The following CEMIP variants were observed in gnomAD, a reference collection of about 807,000 sequenced individuals.
CEMIP encodes the protein cell migration inducing hyaluronidase 1.
In CEMIP, 105 loss-of-function variants were observed where a neutral mutation model predicts 156.9. That is an observed-to-expected ratio of 0.67 (90% CI 0.57 to 0.79). The LOEUF is 0.79. Ranked by LOEUF, CEMIP falls within the 30% of genes least tolerant of loss-of-function variation. The probability of loss-of-function intolerance (pLI) is 0.00; values close to 1 mark genes in which losing one functional copy is unlikely to be tolerated. For synonymous variants in CEMIP, 676 were observed against 668.4 expected (o/e 1.01, Z -0.17); for missense variants, 1,457 against 1,769.4 (o/e 0.82, Z 3.17).
In CEMIP at chr15:80,879,748, A is replaced by G; in HGVS notation, c.274A>G (p.Ile92Val). ...GGTCATTAAAGACCACGACGAGCCGATTGTTTTGCGAACCCGGCACATCCT... is the reference window on the plus strand; with the variant it reads ...GGTCATTAAAGACCACGACGAGCCGGTTGTTTTGCGAACCCGGCACATCCT... ...KLVIKDHDEPIVLRTRHILID... is the reference protein window; with the variant it reads ...KLVIKDHDEPVVLRTRHILID... Residue 92 changes from isoleucine to valine, a missense_variant, in exon 5 of 30, where the codon ATT (isoleucine) becomes GTT (valine). Coordinates refer to ENST00000394685, the MANE Select transcript of CEMIP (RefSeq NM_001293298.2). The G allele has an allele frequency of 1.9e-6, 3 of 1,614,182 alleles. No homozygotes were observed. The highest frequency in any genetic ancestry group is 2.5e-6 in the Non-Finnish European group (3 of 1,180,028).
At chr15:80,920,833 C>A (rs1900444009) in intron 15 of CEMIP, among the ~76,000 whole-genome samples, 199 bp from the exon 16 acceptor site, 1 of 152,214 alleles carries the variant, frequency 6.6e-6, no homozygotes, top group Admixed American at 6.5e-5. Context: ...TTTTTAATTT[C>A]TGAATATTTT....
intron 14 of CEMIP, among the ~76,000 whole-genome samples, chr15:80,914,919 G>A (rs1245203481): frequency 6.6e-6 from 1 of 151,982 alleles, no homozygotes; most frequent in Non-Finnish European, 1.5e-5. Flanking sequence ...CGATGGTTAG[G>A]GGGTCGGAAA....
intron 10 of CEMIP, 41 bp downstream of exon 10, chr15:80,889,633 G>T (rs755066166): frequency 9.9e-6 from 16 of 1,611,094 alleles, no homozygotes; most frequent in Non-Finnish European, 1.4e-5. Flanking sequence ...GAAATGTGTT[G>T]TTTTGAAGAA....
chr15:80,948,974 T>C lies in CEMIP; in HGVS notation c.*50T>C, dbSNP rs775310157. The C allele has an allele frequency of 6.2e-7, 1 of 1,612,478 alleles. No individual in the cohort carries two copies. The highest frequency in any genetic ancestry group is 1.1e-5 in the South Asian group (1 of 91,042). ...TCGTGGTAGACTATGACGGTGACTCTTGGCAGCAGACCAGTGGGGGATGGC... is the reference window on the plus strand; with the variant it reads ...TCGTGGTAGACTATGACGGTGACTCCTGGCAGCAGACCAGTGGGGGATGGC... On this transcript the variant is annotated 3_prime_UTR_variant, in exon 30 of 30. Transcript: ENST00000394685.
At chr15:80,828,699 T>G (rs1308749337) in intron 1 of CEMIP, among the ~76,000 whole-genome samples, 1 of 152,214 alleles carries the variant, frequency 6.6e-6, no homozygotes, top group Non-Finnish European at 1.5e-5. Flanking sequence ...TGGAATTGAA[T>G]CTTCTAAGAA....
intron 14 of CEMIP, among the ~76,000 whole-genome samples, chr15:80,917,592 C>G (rs1900319740): frequency 6.6e-6 from 1 of 152,158 alleles, no homozygotes; most frequent in African/African-American, 2.4e-5. Flanking sequence ...ACTTATTAAA[C>G]AGGTGAATAG....
intron 1 of CEMIP, among the ~76,000 whole-genome samples, chr15:80,835,187 T>C (rs1897244634): frequency 6.6e-6 from 1 of 152,150 alleles, no homozygotes; most frequent in Non-Finnish European, 1.5e-5. Flanking sequence ...CCAGCCCGCC[T>C]CCTGCCCTCC....
chr15:80,789,424 T>C (rs748434311), intron 1 of CEMIP, among the ~76,000 whole-genome samples: 1 of 152,238 alleles, frequency 6.6e-6, no homozygotes, highest in Non-Finnish European at 1.5e-5. Flanking sequence ...TCTGCTGGGC[T>C]GATGTGTCAC....
At chr15:80,923,378 G>T (rs369049247) in intron 17 of CEMIP, among the ~76,000 whole-genome samples, 23 of 152,290 alleles carry the variant, frequency 1.5e-4, no homozygotes, top group African/African-American at 5.5e-4. Flanking sequence ...GTGGCAGGGG[G>T]AACAGTGGAG....
intron 1 of CEMIP, among the ~76,000 whole-genome samples, chr15:80,846,540 GC>G (rs1168499308): frequency 1.1e-4 from 16 of 152,218 alleles, no homozygotes; most frequent in African/African-American, 3.6e-4. Context: ...CAGGATGTGT[GC>G]AAGCTCATCT....
chr15:80,887,586 A>C (rs1596160088), intron 7 of CEMIP, 108 bp from the exon 8 acceptor site: 1,683 of 699,082 alleles, frequency 2.4e-3, no homozygotes, highest in Non-Finnish European at 3.0e-3. Flanking sequence ...GCAGGGAGGG[A>C]CCCTCCTTCA....
chr15:80,807,143 G>T (rs760154650), intron 1 of CEMIP, among the ~76,000 whole-genome samples: 1 of 152,080 alleles, frequency 6.6e-6, no homozygotes, highest in African/African-American at 2.4e-5. Flanking sequence ...GGGACTAGAC[G>T]TAGGATAGGT....
At chr15:80,814,285 G>A (rs559913432) in intron 1 of CEMIP, among the ~76,000 whole-genome samples, 6 of 151,892 alleles carry the variant, frequency 4.0e-5, no homozygotes, top group Admixed American at 1.3e-4. Flanking sequence ...TCCTGACCTC[G>A]TGATCCACCC....
intron 25 of CEMIP, among the ~76,000 whole-genome samples, chr15:80,940,286 C>A (rs1250062839): frequency 6.6e-6 from 1 of 152,172 alleles, no homozygotes; most frequent in African/African-American, 2.4e-5. Flanking sequence ...CAGCTGCTAC[C>A]TACCATGGGC....
chr15:80,876,267 C>G (rs1385011827), intron 3 of CEMIP, among the ~76,000 whole-genome samples: 1 of 152,224 alleles, frequency 6.6e-6, no homozygotes, highest in Non-Finnish European at 1.5e-5. Flanking sequence ...CAGCCAAGCA[C>G]CTGACCCTGT....
chr15:80,905,271 C>G (rs1334990140), intron 12 of CEMIP, among the ~76,000 whole-genome samples: 2 of 152,170 alleles, frequency 1.3e-5, no homozygotes, highest in African/African-American at 4.8e-5. Context: ...TGGGTATCCA[C>G]ATGGGAGGTT....
intron 1 of CEMIP, among the ~76,000 whole-genome samples, chr15:80,849,312 C>A (rs185119433): frequency 2.0e-5 from 3 of 152,196 alleles, no homozygotes; most frequent in East Asian, 3.9e-4. Flanking sequence ...GAGTCCATGT[C>A]TCTCTCTTGA....
chr15:80,937,831 G>A lies in CEMIP; in HGVS notation c.3259G>A (p.Gly1087Ser). The A allele has an allele frequency of 1.2e-6, 2 of 1,614,226 alleles. No homozygotes were observed. Among genetic ancestry groups the A allele is most frequent in the Non-Finnish European group, 8.5e-7 (1 of 1,180,036 alleles). ...CCGAGTGGGGCTCTGCTACCCGCGA[G>A]GCACCACATTCTCCATCCTCTCGGA... ...WIRVGLCYPR[G>S]TTFSILSDVH... The change falls in exon 25 of 30, where the codon GGC becomes AGC. Residue 1087 changes from glycine to serine, a missense_variant. Gly to Ser is a moderately conservative substitution (Grantham distance 56). Around this residue, in one of 5 missense-constraint regions of CEMIP, gnomAD observed 798 missense variants for 980.1 expected, o/e 0.81. Coordinates refer to ENST00000394685, the MANE Select transcript of CEMIP (RefSeq NM_001293298.2).
rs1281398799 is a variant in CEMIP, at chr15:80,832,448, CTG to C, written c.-175-41088_-175-41087del. ...TGTTTGGTCCAAAAGTTGGTCAAAA[CTG>C]TAGATTTGCAAATCAGCAGGATTCA... On this transcript the variant is annotated intron_variant, in intron 1 of 29. Transcript: ENST00000394685. Among the ~76,000 whole-genome samples the C allele has an allele frequency of 3.3e-4, 50 of 151,528 alleles. 1 individual carries two copies. The highest frequency in any genetic ancestry group is 3.3e-3 in the Admixed American group (50 of 15,158).
Sources: gnomAD v4.1 joint callset for allele counts (sites outside exome capture counted in the v4.1 genomes callset) on GRCh38, gnomAD v4.1.1 for gene constraint, gnomAD v4.1.1 regional missense constraint, MANE v1.5 for transcripts, NCBI Gene and HGNC (gene_info 2026-07-23, HGNC 2026-07-21) for gene names.